The following FOXRED1 variants were observed in gnomAD, a reference collection of about 807,000 sequenced individuals.
FOXRED1 encodes FAD-dependent oxidoreductase domain-containing protein 1.
A neutral mutation model predicts 57.8 loss-of-function variants in FOXRED1; 52 were observed. The ratio of observed to expected loss-of-function variants is 0.90; its 90% CI spans 0.72 to 1.13. FOXRED1 has a LOEUF of 1.13. FOXRED1 is among the 50% of genes most tolerant of loss of function. The pLI is 0.00. For synonymous variants in FOXRED1, 271 were observed against 248.3 expected, an observed-to-expected ratio of 1.09 and a Z score of -0.86; for missense variants, 589 against 625.2, an observed-to-expected ratio of 0.94 and a Z score of 0.62.
At position 126,271,229 on chromosome 11, in the gene FOXRED1, C is replaced by T. The variant is rs1950976327; in HGVS notation, c.86-208C>T. The T allele has an allele frequency of 2.0e-6, 1 of 491,294 alleles. No individual in the cohort carries two copies. The highest frequency in any genetic ancestry group is 3.5e-5 in the Admixed American group (1 of 28,242). 30.4% of individuals were successfully genotyped at this position (491,294 alleles called of 1,614,324 possible). A position where few individuals can be genotyped will look rare whatever the true frequency, so the allele number is the denominator to read the frequency against. On this transcript the variant is annotated intron_variant, in intron 1 of 10. Coordinates refer to ENST00000263578, the MANE Select transcript of FOXRED1 (RefSeq NM_017547.4). The surrounding 1 kb of genome is among the most constrained non-coding windows in gnomAD (Gnocchi z 5.3). Reference sequence around the variant, plus strand: ...AAATTGAATCTTGCAGTGCTTGGCACAATGCATGAAGAGACTGATGGCATG... The same window carrying T: ...AAATTGAATCTTGCAGTGCTTGGCATAATGCATGAAGAGACTGATGGCATG...
Position 126,276,058 on chromosome 11 carries a change from G to A in FOXRED1, c.811-1G>A. 6.2e-7 allele frequency: 1 copy of A among 1,612,910 alleles called. No homozygotes were observed. Among genetic ancestry groups the A allele is most frequent in the Non-Finnish European group, 8.5e-7 (1 of 1,180,016 alleles). ...CACTCCTCACCCTCTGGTGTCTGCA[G>A]GTGAAGATGGACCGCAGCCTGGAGT... On this transcript the variant is annotated splice_acceptor_variant, in intron 7 of 10. Transcript: ENST00000263578. LOFTEE classifies it high-confidence loss of function.
In FOXRED1 at chr11:126,272,888, T is replaced by G; in HGVS notation, c.307-81T>G. ...GGACTCCCCTTCAACTTTAGGTGTATAGCTCGAAGCTTTCATTGCAGTATT... is the reference window on the plus strand; with the variant it reads ...GGACTCCCCTTCAACTTTAGGTGTAGAGCTCGAAGCTTTCATTGCAGTATT... On this transcript the variant is annotated intron_variant, in intron 2 of 10. Coordinates refer to ENST00000263578, the MANE Select transcript of FOXRED1 (RefSeq NM_017547.4). The surrounding 1 kb of genome is among the most constrained non-coding windows in gnomAD (Gnocchi z 4.6). 1.2e-6 allele frequency: 1 copy of G among 801,132 alleles called. No individual in the cohort carries two copies. The highest frequency in any genetic ancestry group is 2.3e-6 in the Non-Finnish European group (1 of 440,550). 49.6% of individuals were successfully genotyped at this position (801,132 alleles called of 1,614,324 possible).
chr11:126,271,431 C>A lies in FOXRED1; in HGVS notation c.86-6C>A. 6.2e-7 allele frequency: 1 copy of A among 1,609,824 alleles called. No homozygotes were observed. The highest frequency in any genetic ancestry group is 8.5e-7 in the Non-Finnish European group (1 of 1,176,170). On this transcript the variant is annotated splice_polypyrimidine_tract_variant and splice_region_variant and intron_variant, in intron 1 of 10. Coordinates refer to ENST00000263578, the MANE Select transcript of FOXRED1 (RefSeq NM_017547.4). This position sits in a 1 kb window ranked among gnomAD's most constrained non-coding sequence, Gnocchi z 5.3. ...TTGGCCCTCTGACCCTAACTACATC[C>A]CACAGACTGGGATGGAAAGGTGTCT...
chr11:126,276,302 T>TG (rs1366487332), intron 8 of FOXRED1, 83 bp downstream of exon 8: 12 of 4,516 alleles, frequency 2.7e-3, no homozygotes, highest in Non-Finnish European at 2.9e-3. Flanking sequence ...TGTGTGTGTG[T>TG]GTGTGTGTGT....
At chr11:126,269,326 T>C in intron 1 of FOXRED1, 35 bp downstream of exon 1, 1 of 1,613,992 alleles carries the variant, frequency 6.2e-7, no homozygotes, top group Non-Finnish European at 8.5e-7. Context: ...ATTGTGGTTC[T>C]GGGTTGTCCC....
At position 126,275,914 on chromosome 11, in the gene FOXRED1, A is replaced by G; in HGVS notation, c.810+44A>G. 1 of 1,540,996 alleles carries G rather than the reference A, an allele frequency of 6.5e-7. No homozygotes were observed. Among genetic ancestry groups the G allele is most frequent in the African/African-American group, 1.4e-5 (1 of 73,688 alleles). ...ATGTCCTTTACCAAAATGGAGGGAC[A>G]GGGAAGGTAGTGACTCTCCTTGTTT... On this transcript the variant is annotated intron_variant, in intron 7 of 10. Coordinates refer to ENST00000263578, the MANE Select transcript of FOXRED1 (RefSeq NM_017547.4). This position sits in a 1 kb window ranked among gnomAD's most constrained non-coding sequence, Gnocchi z 5.9.
In FOXRED1 at chr11:126,277,663, A is replaced by G; in HGVS notation, c.1435A>G (p.Lys479Glu). 1 of 1,613,650 alleles carries G rather than the reference A, an allele frequency of 6.2e-7. No individual in the cohort carries two copies. The highest frequency in any genetic ancestry group is 8.5e-7 in the Non-Finnish European group (1 of 1,180,004). The change falls in exon 11 of 11, where the codon AAG becomes GAG. Residue 479 changes from lysine (K) to glutamate (E), a missense_variant. Lys to Glu is a moderately conservative substitution (Grantham distance 56). Coordinates refer to ENST00000263578, the MANE Select transcript of FOXRED1 (RefSeq NM_017547.4). The surrounding 1 kb of genome is among the most constrained non-coding windows in gnomAD (Gnocchi z 6.8). ...CTTTACCCGCTTTTACTTGGGAGAG[A>G]AGATCCAGGAGAACAACATCATCTG... Reference protein sequence around the residue: ...FLFTRFYLGEKIQENNII With the variant: ...FLFTRFYLGEEIQENNII
Position 126,275,362 on chromosome 11 carries a change from CTG to C in FOXRED1, c.668_669del (p.Leu223ProfsTer35). ...EDEGWFDPWC[L>X]LQGLRRKVQS... ...CGAAGGTTGGTTTGACCCCTGGTGTCTGCTCCAGGGGCTTCGGCGAAAGGTCC... is the reference window on the plus strand; with the variant it reads ...CGAAGGTTGGTTTGACCCCTGGTGTCCTCCAGGGGCTTCGGCGAAAGGTCC... On this transcript the variant is annotated frameshift_variant, in exon 6 of 11. Coordinates refer to ENST00000263578, the MANE Select transcript of FOXRED1 (RefSeq NM_017547.4). LOFTEE classifies it high-confidence loss of function. The surrounding 1 kb of genome is among the most constrained non-coding windows in gnomAD (Gnocchi z 5.9). 1 of 1,613,812 alleles carries C rather than the reference CTG, an allele frequency of 6.2e-7. No homozygotes were observed. The highest frequency in any genetic ancestry group is 8.5e-7 in the Non-Finnish European group (1 of 1,179,718).
rs1478890850 is a variant in FOXRED1, at chr11:126,273,704, C to A, written c.536+250C>A. ...AAACCACCTGGAACACATCCCAGAC[C>A]TAATAAACCAGAATCTCTAGGGAAG... On this transcript the variant is annotated intron_variant, in intron 4 of 10. Transcript: ENST00000263578. The surrounding 1 kb of genome is among the most constrained non-coding windows in gnomAD (Gnocchi z 5.9). 2 of 517,390 alleles carry A rather than the reference C, an allele frequency of 3.9e-6. No individual in the cohort carries two copies. The highest frequency in any genetic ancestry group is 7.0e-6 in the Non-Finnish European group (2 of 284,402). The allele number at this position is 517,390 out of a possible 1,614,324, so 32.0% of individuals were successfully genotyped here. A position where few individuals can be genotyped will look rare whatever the true frequency, so the allele number is the denominator to read the frequency against.
In FOXRED1 at chr11:126,275,144, C is replaced by A. The variant is rs976025771; in HGVS notation, c.631+123C>A. 7 of 823,766 alleles carry A rather than the reference C, an allele frequency of 8.5e-6. No homozygotes were observed. In the Admixed American group the frequency reaches 1.2e-4, roughly 14 times the overall value. The allele number at this position is 823,766 out of a possible 1,614,324, so 51.0% of individuals were successfully genotyped here. A position where few individuals can be genotyped will look rare whatever the true frequency, so the allele number is the denominator to read the frequency against. On this transcript the variant is annotated intron_variant, in intron 5 of 10. Coordinates refer to ENST00000263578, the MANE Select transcript of FOXRED1 (RefSeq NM_017547.4). This position sits in a 1 kb window ranked among gnomAD's most constrained non-coding sequence, Gnocchi z 5.9. Reference sequence around the variant, plus strand: ...GGAGGAACACTTCCCTCCTGTGTCACGGGAACTGCCCTGGGCCGTGGTAGT... The same window carrying A: ...GGAGGAACACTTCCCTCCTGTGTCAAGGGAACTGCCCTGGGCCGTGGTAGT...
rs778903746 is a variant in FOXRED1, at chr11:126,276,189, G to T, written c.941G>T (p.Gly314Val). The change falls in exon 8 of 11, where the codon GGC becomes GTC. Residue 314 changes from glycine (G) to valine (V), a missense_variant. Physicochemically the swap from Gly to Val is moderately radical, Grantham distance 109. Transcript: ENST00000263578. The part of the protein sequence containing the change: ...VGEGPPGTLQ[G>V]TKLPVEPRKR... ...GAGGGGCCGCCTGGCACCCTGCAGG[G>T]CACCAAGCTACCTGTGGAGCCGAGG... 5 of 1,608,244 alleles carry T rather than the reference G, an allele frequency of 3.1e-6. No homozygotes were observed. The South Asian group carries it at 5.5e-5, about 18-fold the overall frequency.
rs2135271485 is a variant in FOXRED1 at position 126,277,768 on chromosome 11, C to T, written c.*79C>T. On this transcript the variant is annotated 3_prime_UTR_variant, in exon 11 of 11. Transcript: ENST00000263578. This position sits in a 1 kb window ranked among gnomAD's most constrained non-coding sequence, Gnocchi z 6.8. The stretch of plus-strand genomic sequence containing the variant: ...CCTTGTTTGCTGCTTCCATCTTCCC[C>T]AGTACTGTGCCAGGCCTTCTCCCCC... 3.4e-6 allele frequency: 5 copies of T among 1,488,994 alleles called. 1 individual carries two copies. Among genetic ancestry groups the T allele is most frequent in the South Asian group, 2.3e-5 (2 of 88,390 alleles). The allele number at this position is 1,488,994 out of a possible 1,614,324, so 92.2% of individuals were successfully genotyped here.
At position 126,271,689 on chromosome 11, in the gene FOXRED1, G is replaced by C; in HGVS notation, c.306+32G>C. On this transcript the variant is annotated intron_variant, in intron 2 of 10. Transcript: ENST00000263578. This position sits in a 1 kb window ranked among gnomAD's most constrained non-coding sequence, Gnocchi z 5.3. Reference sequence around the variant, plus strand: ...TCTGGGGTAGGGCAGAGTCATGAGTGGGGCAAGAAAGATGACTCATTTTAT... The same window carrying C: ...TCTGGGGTAGGGCAGAGTCATGAGTCGGGCAAGAAAGATGACTCATTTTAT... 1 of 1,540,078 alleles carries C rather than the reference G, an allele frequency of 6.5e-7. No individual in the cohort carries two copies. The highest frequency in any genetic ancestry group is 1.7e-5 in the Admixed American group (1 of 59,896).
rs940839670 is a variant in FOXRED1, at chr11:126,274,915, C to A, written c.537-12C>A. On this transcript the variant is annotated splice_polypyrimidine_tract_variant and intron_variant, in intron 4 of 10. Transcript: ENST00000263578. This position sits in a 1 kb window ranked among gnomAD's most constrained non-coding sequence, Gnocchi z 4.8. ...TCTGACACACATACACCGACCCACA[C>A]GTTTATCTCAGGCAGGAGGGAGCCA... is the stretch of plus-strand genomic sequence containing the variant. 2 of 1,544,402 alleles carry A rather than the reference C, an allele frequency of 1.3e-6. No individual in the cohort carries two copies. Among genetic ancestry groups the A allele is most frequent in the Non-Finnish European group, 1.8e-6 (2 of 1,116,566 alleles).
In FOXRED1 at chr11:126,273,112, G is replaced by A; in HGVS notation, c.417+33G>A. 7.9e-7 allele frequency: 1 copy of A among 1,260,518 alleles called. No homozygotes were observed. 78.1% of individuals were successfully genotyped at this position (1,260,518 alleles called of 1,614,324 possible). On this transcript the variant is annotated intron_variant, in intron 3 of 10. Transcript: ENST00000263578. The surrounding 1 kb of genome is among the most constrained non-coding windows in gnomAD (Gnocchi z 5.9). ...CAATGATATCCGGGATGTTGGGGTG[G>A]TTACCCCTCCTTTAGCCCAGAGTGG... is the stretch of plus-strand genomic sequence containing the variant.
chr11:126,274,856 G>A lies in FOXRED1; in HGVS notation c.537-71G>A. 1 of 884,416 alleles carries A rather than the reference G, an allele frequency of 1.1e-6. No homozygotes were observed. The highest frequency in any genetic ancestry group is 1.9e-6 in the Non-Finnish European group (1 of 513,502). The allele number at this position is 884,416 out of a possible 1,614,324, so 54.8% of individuals were successfully genotyped here. A position where few individuals can be genotyped will look rare whatever the true frequency, so the allele number is the denominator to read the frequency against. ...GCTGGACTCCCCACTTGTGGAGTTG[G>A]GGTCCATACATCATCCCCCTGCACA... On this transcript the variant is annotated intron_variant, in intron 4 of 10. Transcript: ENST00000263578. This position sits in a 1 kb window ranked among gnomAD's most constrained non-coding sequence, Gnocchi z 4.8.
rs947654267 is a variant in FOXRED1 at position 126,275,559 on chromosome 11, A to T, written c.733+131A>T. 3.3e-5 allele frequency: 25 copies of T among 761,994 alleles called. No homozygotes were observed. Among genetic ancestry groups the T allele is most frequent in the African/African-American group, 5.2e-5 (3 of 58,168 alleles). 47.2% of individuals were successfully genotyped at this position (761,994 alleles called of 1,614,324 possible). On this transcript the variant is annotated intron_variant, in intron 6 of 10. Transcript: ENST00000263578. This position sits in a 1 kb window ranked among gnomAD's most constrained non-coding sequence, Gnocchi z 5.9. ...CTGAGAGCAGGTCCTAGGCATCTTGACCTGGGCTCCTCACTGATCTGCGTT... is the reference window on the plus strand; with the variant it reads ...CTGAGAGCAGGTCCTAGGCATCTTGTCCTGGGCTCCTCACTGATCTGCGTT...
Position 126,273,441 on chromosome 11 carries a change from G to C in FOXRED1, c.523G>C (p.Val175Leu). 6.2e-7 allele frequency: 1 copy of C among 1,612,520 alleles called. No individual in the cohort carries two copies. Among genetic ancestry groups the C allele is most frequent in the Non-Finnish European group, 8.5e-7 (1 of 1,178,780 alleles). ...EKDAAAMESN[V>L]KVQRQEGAKV... ...GGATGCTGCAGCCATGGAGAGCAAC[G>C]TGAAAGTGCAGAGGTGGGTGCCTGG... The change falls in exon 4 of 11, where the codon GTG becomes CTG. Residue 175 changes from valine (V) to leucine (L), a missense_variant. By Grantham distance (32) the Val-to-Leu change is conservative. Coordinates refer to ENST00000263578, the MANE Select transcript of FOXRED1 (RefSeq NM_017547.4). This position sits in a 1 kb window ranked among gnomAD's most constrained non-coding sequence, Gnocchi z 5.9.
chr11:126,275,792 A>G lies in FOXRED1; in HGVS notation c.734-2A>G. The G allele has an allele frequency of 1.2e-6, 2 of 1,604,480 alleles. No individual in the cohort carries two copies. The highest frequency in any genetic ancestry group is 1.7e-6 in the Non-Finnish European group (2 of 1,171,474). ...GCCTATTTTTCATTTTCTTCTCTGCAGGTTTTGTCTCTTCATCTCAACGCA... is the reference window on the plus strand; with the variant it reads ...GCCTATTTTTCATTTTCTTCTCTGCGGGTTTTGTCTCTTCATCTCAACGCA... On this transcript the variant is annotated splice_acceptor_variant, in intron 6 of 10. Transcript: ENST00000263578. LOFTEE classifies it high-confidence loss of function. This position sits in a 1 kb window ranked among gnomAD's most constrained non-coding sequence, Gnocchi z 5.9.
Sources: allele counts gnomAD v4.1 joint callset, GRCh38; gene constraint gnomAD v4.1.1; non-coding constraint Gnocchi (gnomAD v3.1); transcripts MANE v1.5; gene names NCBI Gene and HGNC (gene_info 2026-07-23, HGNC 2026-07-21).